The following RPRD1A variants were observed in gnomAD, a reference collection of about 807,000 sequenced individuals.
RPRD1A encodes the protein regulation of nuclear pre-mRNA domain containing 1A, also known as regulation of nuclear pre-mRNA domain-containing protein 1A.
Under a neutral mutation model 37.8 loss-of-function variants are expected in RPRD1A, and 9 were observed. The ratio of observed to expected loss-of-function variants is 0.24; its 90% CI spans 0.14 to 0.42. RPRD1A has a LOEUF of 0.42. RPRD1A is among the 10% of genes least tolerant of loss of function. The pLI is 1.00. For missense variants in RPRD1A, 255 were observed against 371.0 expected, an observed-to-expected ratio of 0.69 and a Z score of 2.57; for synonymous variants, 138 against 139.7, an observed-to-expected ratio of 0.99 and a Z score of 0.08.
chr18:36,063,431 G>C (rs765263359), intron 1 of RPRD1A, among the ~76,000 whole-genome samples: 42 of 152,202 alleles, frequency 2.8e-4, no homozygotes, highest in Non-Finnish European at 5.3e-4. Context: ...GCCTCCTAAA[G>C]TGCTGGGATT....
At chr18:36,044,364 C>T (rs1050420745) in intron 1 of RPRD1A, among the ~76,000 whole-genome samples, 2 of 152,172 alleles carry the variant, frequency 1.3e-5, no homozygotes, top group East Asian at 3.8e-4. Context: ...AAGCCCCACA[C>T]TGTGGTCCCT....
intron 1 of RPRD1A, among the ~76,000 whole-genome samples, 162 bp downstream of exon 1, chr18:36,067,092 C>CT (rs1352037637): frequency 2.6e-5 from 4 of 152,258 alleles, no homozygotes; most frequent in Non-Finnish European, 5.9e-5. Context: ...TAAGCCCAGA[C>CT]TTTGCAGAAG....
rs150292421 is a variant in RPRD1A, at chr18:35,989,946, G to A, written c.*3205C>T. 9.2e-5 allele frequency: 14 copies of A among 152,314 alleles called. No homozygotes were observed. In the East Asian group the frequency reaches 2.7e-3, roughly 29 times the overall value. The allele number at this position is 152,314 out of a possible 1,614,324, so 9.4% of individuals were successfully genotyped here. On this transcript the variant is annotated 3_prime_UTR_variant, in exon 7 of 7. Transcript: ENST00000399022. ...CTTCCCATGTGCTATTGCCACCTCA[G>A]AACAGACTCCTGTGTGGATGGCTGG... is the stretch of plus-strand genomic sequence containing the variant.
At chr18:36,042,648 A>G (rs1912661900) in intron 1 of RPRD1A, among the ~76,000 whole-genome samples, 2 of 152,202 alleles carry the variant, frequency 1.3e-5, no homozygotes, top group South Asian at 4.1e-4. Flanking sequence ...AGTTCTTACA[A>G]AGCAATAACC....
chr18:36,067,531 A>T lies in RPRD1A; in HGVS notation c.-127T>A. On this transcript the variant is annotated 5_prime_UTR_variant, in exon 1 of 7. It removes an upstream start codon present in the reference 5' UTR. Coordinates refer to ENST00000399022, the MANE Select transcript of RPRD1A (RefSeq NM_018170.5). ...ACGCTCTCACCACGGCCGCCGCTTC[A>T]TCCAAGACCGGCCGCAAACCAGCAA... The T allele has an allele frequency of 1.0e-6, 1 of 971,244 alleles. No homozygotes were observed. Among genetic ancestry groups the T allele is most frequent in the Admixed American group, 3.1e-5 (1 of 31,866 alleles). The allele number at this position is 971,244 out of a possible 1,614,324, so 60.2% of individuals were successfully genotyped here.
chr18:36,033,868 T>G, intron 1 of RPRD1A, 31 bp from the exon 2 acceptor site: 1 of 1,572,720 alleles, frequency 6.4e-7, no homozygotes, highest in South Asian at 1.2e-5. Flanking sequence ...AAAAATCTAC[T>G]TAAAACATCT....
intron 1 of RPRD1A, among the ~76,000 whole-genome samples, chr18:36,035,174 C>G (rs1160366226): frequency 2.0e-5 from 3 of 152,206 alleles, no homozygotes; most frequent in African/African-American, 7.2e-5. Flanking sequence ...TCCTTGCCCT[C>G]TCAATCCCAC....
At chr18:36,034,618 A>G (rs1175123996) in intron 1 of RPRD1A, among the ~76,000 whole-genome samples, 4 of 152,228 alleles carry the variant, frequency 2.6e-5, no homozygotes, top group Admixed American at 1.3e-4. Context: ...ATATTTTACT[A>G]GAATTAAATT....
At chr18:36,028,328 T>C (rs945506559) in intron 4 of RPRD1A, 2 of 152,192 alleles carry the variant, frequency 1.3e-5, no homozygotes, top group East Asian at 1.9e-4. Context: ...CTACGTGTGC[T>C]CACTCATTAG....
At chr18:36,018,090 G>A (rs188218574) in intron 6 of RPRD1A, among the ~76,000 whole-genome samples, 24 of 152,180 alleles carry the variant, frequency 1.6e-4, no homozygotes, top group Non-Finnish European at 3.1e-4. Flanking sequence ...TGAACACACA[G>A]CCCACTTAAG....
At chr18:36,039,467 A>G (rs534183921) in intron 1 of RPRD1A, among the ~76,000 whole-genome samples, 5 of 152,310 alleles carry the variant, frequency 3.3e-5, no homozygotes, top group African/African-American at 1.2e-4. Flanking sequence ...AACAAGCTTC[A>G]AAAAGAAATC....
intron 1 of RPRD1A, among the ~76,000 whole-genome samples, chr18:36,060,402 C>G (rs1164217250): frequency 6.6e-6 from 1 of 151,886 alleles, no homozygotes; most frequent in Non-Finnish European, 1.5e-5. Context: ...CCACTGCACT[C>G]CAGCCTGGGC....
intron 6 of RPRD1A, among the ~76,000 whole-genome samples, chr18:36,022,103 C>T (rs914476700): frequency 1.3e-5 from 2 of 152,166 alleles, no homozygotes; most frequent in African/African-American, 4.8e-5. Flanking sequence ...AAGATCAAAC[C>T]AGCCACATTC....
At chr18:36,025,738 T>C (rs1382062397) in intron 6 of RPRD1A, 2 of 835,030 alleles carry the variant, frequency 2.4e-6, no homozygotes, top group African/African-American at 1.8e-5. Flanking sequence ...AGACAAAAAT[T>C]GTATGACATT....
intron 1 of RPRD1A, among the ~76,000 whole-genome samples, chr18:36,060,276 C>CA (rs944054979): frequency 5.3e-5 from 8 of 151,848 alleles, no homozygotes; most frequent in Admixed American, 2.0e-4. Flanking sequence ...ACTAAAAATA[C>CA]AAAAAAATTA....
chr18:36,021,231 T>C (rs989431468), intron 6 of RPRD1A, among the ~76,000 whole-genome samples: 4 of 152,218 alleles, frequency 2.6e-5, no homozygotes, highest in Non-Finnish European at 5.9e-5. Flanking sequence ...TTCAAGATAC[T>C]GTGTTTTCTT....
At chr18:36,059,289 C>T (rs987234690) in intron 1 of RPRD1A, among the ~76,000 whole-genome samples, 5 of 152,144 alleles carry the variant, frequency 3.3e-5, no homozygotes, top group African/African-American at 1.2e-4. Flanking sequence ...AGATGTGCAC[C>T]ACCACGTCTG....
intron 1 of RPRD1A, among the ~76,000 whole-genome samples, chr18:36,064,695 G>C (rs749355477): frequency 2.4e-4 from 36 of 152,198 alleles, no homozygotes; most frequent in African/African-American, 2.7e-4. Context: ...GCAGGACGTG[G>C]CTGGGGCCAG....
chr18:36,025,832 G>T, intron 6 of RPRD1A: 1 of 281,246 alleles, frequency 3.6e-6, no homozygotes, highest in Non-Finnish European at 6.9e-6. Flanking sequence ...ATAGTGGCAA[G>T]TTAATTATCA....
Sources: gnomAD v4.1 joint callset for allele counts (sites outside exome capture counted in the v4.1 genomes callset) on GRCh38, gnomAD v4.1.1 for gene constraint, MANE v1.5 for transcripts, NCBI Gene and HGNC (gene_info 2026-07-23, HGNC 2026-07-21) for gene names.